Variants in DOCK9 observed in about 807,000 individuals in gnomAD.
The protein encoded by DOCK9 is dedicator of cytokinesis protein 9.
A neutral mutation model predicts 263.3 loss-of-function variants in DOCK9; 89 were observed. That is an observed-to-expected ratio of 0.34 (90% confidence interval 0.28 to 0.40). DOCK9 has a LOEUF of 0.40. Among genes scored for constraint, DOCK9 ranks in the 10% least tolerant of loss-of-function variants. The pLI is 1.00. For synonymous variants in DOCK9, 976 were observed against 973.1 expected (o/e 1.00, Z -0.06); for missense variants, 2,140 against 2,603.4 (o/e 0.82, Z 3.87).
At chr13:98,993,433 G>A (rs568102140) in intron 1 of DOCK9, among the ~76,000 whole-genome samples, 12 of 152,358 alleles carry the variant, frequency 7.9e-5, no homozygotes, top group African/African-American at 2.6e-4. Context: ...ACTGTTCCTA[G>A]GAAGATGTGT....
At chr13:98,827,136 T>C (rs1346706208) in intron 43 of DOCK9, among the ~76,000 whole-genome samples, 1 of 152,224 alleles carries the variant, frequency 6.6e-6, no homozygotes, top group Non-Finnish European at 1.5e-5. Context: ...CTATATAGAA[T>C]TATTACATTT....
intron 38 of DOCK9, among the ~76,000 whole-genome samples, chr13:98,841,794 C>CATTATT (rs71114554): frequency 0.085 from 12,656 of 149,104 alleles, 637 homozygotes; most frequent in Non-Finnish European, 0.12. Context: ...GATTTTTCTG[C>CATTATT]ATTATTATTA....
upstream of DOCK9, among the ~76,000 whole-genome samples, chr13:98,980,860 G>T (rs953103730): frequency 3.3e-5 from 5 of 152,074 alleles, no homozygotes; most frequent in African/African-American, 1.2e-4. Flanking sequence ...TCATGAGCCA[G>T]GCCTTCTTCT....
chr13:98,826,920 A>G (rs777669672), intron 43 of DOCK9, 33 bp from the exon 44 acceptor site: 14 of 1,558,342 alleles, frequency 9.0e-6, no homozygotes, highest in Admixed American at 1.8e-5. Flanking sequence ...CAGAATCATC[A>G]TTCATAACAG....
At chr13:98,895,910 C>T (rs2047359098) in intron 15 of DOCK9, among the ~76,000 whole-genome samples, 1 of 152,124 alleles carries the variant, frequency 6.6e-6, no homozygotes, top group Non-Finnish European at 1.5e-5. Context: ...TGTGTCCTTA[C>T]CAGGTCATAA....
intron 1 of DOCK9, among the ~76,000 whole-genome samples, chr13:99,028,604 A>T (rs992270468): frequency 6.6e-6 from 1 of 152,198 alleles, no homozygotes; most frequent in African/African-American, 2.4e-5. Flanking sequence ...TTCTTGCATT[A>T]TTTATACAAA....
chr13:98,794,742 G>A lies in DOCK9; in HGVS notation c.6163C>T (p.Pro2055Ser), dbSNP rs1186256093. The stretch of plus-strand genomic sequence containing the variant: ...AAGACGCTCGTCTTCTCCTCCAGGG[G>A]GCAGATCTTGAGGACAGAAACACAA... Reference protein sequence around the residue: ...LSEIMHEQICPLEEKTSVLPN... With the variant: ...LSEIMHEQICSLEEKTSVLPN... The change falls in exon 53 of 53, where the codon CCC (proline) becomes TCC (serine). Residue 2055 changes from proline (P) to serine (S), a missense_variant. By Grantham distance (74) the Pro-to-Ser change is moderately conservative (BLOSUM62 -1). This residue lies in a region of DOCK9 where 619 missense variants were observed against 861.8 expected (regional missense o/e 0.72). Coordinates refer to ENST00000682017, the MANE Select transcript of DOCK9 (RefSeq NM_001366683.2). The A allele has an allele frequency of 1.2e-5, 20 of 1,613,790 alleles. No individual in the cohort carries two copies. The highest frequency in any genetic ancestry group is 1.6e-5 in the Non-Finnish European group (19 of 1,179,852).
chr13:98,979,242 G>GGCA (rs71114566), upstream of DOCK9, among the ~76,000 whole-genome samples: 1,340 of 136,194 alleles, frequency 9.8e-3, 36 homozygotes, highest in Middle Eastern at 0.049. Flanking sequence ...CAGCAGCGGC[G>GGCA]GCAGCAGCAG....
intron 1 of DOCK9, among the ~76,000 whole-genome samples, chr13:98,972,500 T>C (rs2059837463): frequency 6.6e-6 from 1 of 152,252 alleles, no homozygotes; most frequent in East Asian, 1.9e-4. Context: ...TGAAGCCCCA[T>C]GTCTGAGATC....
intron 1 of DOCK9, among the ~76,000 whole-genome samples, chr13:99,018,951 C>T (rs1248818527): frequency 6.6e-6 from 1 of 152,188 alleles, no homozygotes; most frequent in African/African-American, 2.4e-5. Flanking sequence ...AATACTGACA[C>T]CTGACTCTCC....
intron 38 of DOCK9, among the ~76,000 whole-genome samples, chr13:98,840,622 G>A (rs769186163): frequency 6.6e-6 from 1 of 152,062 alleles, no homozygotes; most frequent in Non-Finnish European, 1.5e-5. Flanking sequence ...ACACATCGGC[G>A]AACCTCCTCC....
At chr13:99,086,172 C>T in intron 1 of DOCK9, 1 of 1,441,778 alleles carries the variant, frequency 6.9e-7, no homozygotes, top group Non-Finnish European at 9.1e-7. Flanking sequence ...GGGCCCGCAG[C>T]TGCCTGCGCC....
intron 1 of DOCK9, among the ~76,000 whole-genome samples, chr13:99,084,236 T>C (rs957614518): frequency 2.6e-5 from 4 of 152,000 alleles, no homozygotes; most frequent in Non-Finnish European, 4.4e-5. Flanking sequence ...GGGGATGAGG[T>C]GTGTGGGTAA....
intron 1 of DOCK9, among the ~76,000 whole-genome samples, chr13:98,983,992 G>A (rs1299170315): frequency 6.6e-6 from 1 of 152,144 alleles, no homozygotes; most frequent in Non-Finnish European, 1.5e-5. Context: ...ACCTAGTCTA[G>A]TGTCTCTTAG....
At chr13:98,796,716 A>C (rs1324627221) in intron 52 of DOCK9, among the ~76,000 whole-genome samples, 2 of 152,254 alleles carry the variant, frequency 1.3e-5, no homozygotes, top group East Asian at 3.8e-4. Context: ...AATGCAACAG[A>C]TAATTCCTTA....
In DOCK9 at chr13:98,831,453, G is replaced by C; in HGVS notation, c.4530C>G (p.Ser1510=). The C allele has an allele frequency of 6.3e-7, 1 of 1,597,762 alleles. No homozygotes were observed. The highest frequency in any genetic ancestry group is 8.5e-7 in the Non-Finnish European group (1 of 1,171,752). Residue 1510 remains serine (S), a synonymous_variant, in exon 41 of 53, where the codon TCC becomes TCG. Coordinates refer to ENST00000682017, the MANE Select transcript of DOCK9 (RefSeq NM_001366683.2). ...CCTCCGTCCTGATGGAGCTCAGCTT[G>C]GAGTTACAGCACTTGAGAATCTCGT... is the stretch of plus-strand genomic sequence containing the variant. The part of the protein sequence containing the change: ...LCYEILKCCN[S]KLSSIRTEAS...
intron 1 of DOCK9, among the ~76,000 whole-genome samples, chr13:98,969,502 T>G (rs1447060079): frequency 6.6e-6 from 1 of 150,840 alleles, no homozygotes; most frequent in East Asian, 1.9e-4. Flanking sequence ...AGACATCGAA[T>G]ACAAAGAAAA....
chr13:98,958,637 C>T lies in DOCK9; in HGVS notation c.127-3086G>A, dbSNP rs377391367. Among the ~76,000 whole-genome samples, 16 of 152,360 alleles carry T rather than the reference C, an allele frequency of 1.1e-4. No individual in the cohort carries two copies. In the South Asian group the frequency reaches 3.3e-3, roughly 32 times the overall value. On this transcript the variant is annotated intron_variant, in intron 1 of 52. Transcript: ENST00000682017. ...AAACTTTATTTATAAAAACAGGCAG[C>T]AGCCAGATTTTGCCCAAGGGCACAG...
intron 1 of DOCK9, among the ~76,000 whole-genome samples, chr13:98,983,483 G>A (rs1165458682): frequency 2.0e-5 from 3 of 152,174 alleles, no homozygotes; most frequent in Non-Finnish European, 4.4e-5. Context: ...CATACAGCAA[G>A]AGAAGATGTG....
Sources: allele counts gnomAD v4.1 joint callset (sites outside exome capture counted in the v4.1 genomes callset), GRCh38; gene constraint gnomAD v4.1.1; regional missense constraint gnomAD v4.1.1; transcripts MANE v1.5; gene names NCBI Gene and HGNC (gene_info 2026-07-23, HGNC 2026-07-21).